The following GABRR1 variants were observed in gnomAD, a reference collection of about 807,000 sequenced individuals.
GABRR1 encodes gamma-aminobutyric acid receptor subunit rho-1.
A neutral mutation model predicts 55.5 loss-of-function variants in GABRR1; 59 were observed. The ratio of observed to expected loss-of-function variants is 1.06; its 90% CI spans 0.86 to 1.32. GABRR1 has a LOEUF of 1.32. GABRR1 is among the 40% of genes most tolerant of loss of function. GABRR1 has a pLI of 0.00. For synonymous variants in GABRR1, 213 were observed against 226.0 expected (o/e 0.94, Z 0.51); for missense variants, 602 against 619.1 (o/e 0.97, Z 0.29).
intron 6 of GABRR1, among the ~76,000 whole-genome samples, chr6:89,186,029 G>C (rs1283848454): frequency 6.6e-6 from 1 of 152,138 alleles, no homozygotes; most frequent in African/African-American, 2.4e-5. Context: ...CACCCTTTCT[G>C]GTGCTACCAT....
chr6:89,192,654 T>C (rs1264834018), intron 5 of GABRR1, among the ~76,000 whole-genome samples: 1 of 150,040 alleles, frequency 6.7e-6, no homozygotes, highest in African/African-American at 2.4e-5. Flanking sequence ...TCCACCTCCC[T>C]GGTTCAAACG....
chr6:89,189,103 C>G (rs1002108690), intron 6 of GABRR1, among the ~76,000 whole-genome samples: 1 of 152,018 alleles, frequency 6.6e-6, no homozygotes, highest in Non-Finnish European at 1.5e-5. Flanking sequence ...GACCCACATT[C>G]GCTTAGCCCT....
intron 8 of GABRR1, 129 bp from the exon 9 acceptor site, chr6:89,180,617 C>T: frequency 9.4e-7 from 1 of 1,065,402 alleles, no homozygotes; most frequent in African/African-American, 1.6e-5. Flanking sequence ...CTCCACTGCC[C>T]AGCAAACACC....
intron 5 of GABRR1, among the ~76,000 whole-genome samples, chr6:89,196,841 A>AAGAAAGAAAGAG (rs1358165811): frequency 9.3e-6 from 1 of 107,394 alleles, no homozygotes; most frequent in East Asian, 2.2e-4. Flanking sequence ...GAAAGAAAGA[A>AAGAAAGAAAGAG]AGAAAGAAAG....
At position 89,180,487 on chromosome 6, in the gene GABRR1, A is replaced by G. The variant is rs201172276; in HGVS notation, c.951T>C (p.Gly317=). ...RRAVPARVPL[G]ITTVLTMSTI... ...TGGACATGGTCAGCACCGTTGTGATACCTGCAAACACAAGAATGAGAAACA... is the reference window on the plus strand; with the variant it reads ...TGGACATGGTCAGCACCGTTGTGATGCCTGCAAACACAAGAATGAGAAACA... Residue 317 remains glycine (G), a splice_region_variant and synonymous_variant, in exon 9 of 10, where the codon GGT becomes GGC. Coordinates refer to ENST00000454853, the MANE Select transcript of GABRR1 (RefSeq NM_002042.5). 5.3e-5 allele frequency: 86 copies of G among 1,612,210 alleles called. No individual in the cohort carries two copies. The highest frequency in any genetic ancestry group is 1.7e-4 in the Middle Eastern group (1 of 6,050).
At chr6:89,179,595 C>A (rs753990448) in intron 9 of GABRR1, among the ~76,000 whole-genome samples, 2 of 152,176 alleles carry the variant, frequency 1.3e-5, no homozygotes, top group African/African-American at 2.4e-5. Context: ...CAAAGACCAA[C>A]AAGAATGCTC....
intron 5 of GABRR1, 87 bp downstream of exon 5, chr6:89,197,933 G>A (rs1474459751): frequency 3.5e-5 from 38 of 1,076,832 alleles, no homozygotes; most frequent in Admixed American, 2.6e-4. Flanking sequence ...AAGTTAGAAA[G>A]TAGACATTCA....
rs78618125 is a variant in GABRR1, at chr6:89,197,390, T to G, written c.572+630A>C. Among the ~76,000 whole-genome samples the G allele has an allele frequency of 3.9e-3, 587 of 152,334 alleles. 5 individuals carry two copies. In the East Asian group the frequency reaches 0.055, roughly 14 times the overall value. On this transcript the variant is annotated intron_variant, in intron 5 of 9. Transcript: ENST00000454853. ...TCATCTCCATGTGCCTTGAGTACCA[T>G]GAGTTTCTAAAGTTCCTGTGCAGCC...
intron 1 of GABRR1, among the ~76,000 whole-genome samples, chr6:89,214,534 G>C (rs993878871): frequency 6.6e-5 from 10 of 152,008 alleles, no homozygotes; most frequent in African/African-American, 2.4e-4. Flanking sequence ...AAATATATAA[G>C]GAACTCAAAC....
At position 89,212,657 on chromosome 6, in the gene GABRR1, GTTAT is replaced by G. The variant is rs6149685; in HGVS notation, c.122+4540_122+4543del. 1.9e-3 allele frequency among the ~76,000 whole-genome samples: 278 copies of G among 149,110 alleles called. 2 individuals carry two copies. In the East Asian group the frequency reaches 0.026, roughly 14 times the overall value. On this transcript the variant is annotated intron_variant, in intron 1 of 9. Coordinates refer to ENST00000454853, the MANE Select transcript of GABRR1 (RefSeq NM_002042.5). ...GGAGAGGACCGGCAGTAAGTTTTGG[GTTAT>G]TTATTTATTTATTTATTTATTTATT...
At chr6:89,186,577 T>G (rs959379247) in intron 6 of GABRR1, among the ~76,000 whole-genome samples, 8 of 152,244 alleles carry the variant, frequency 5.3e-5, no homozygotes, top group African/African-American at 1.9e-4. Context: ...CTACTGGTTC[T>G]GTTTATCTGG....
At chr6:89,211,486 C>A (rs1284036170) in intron 1 of GABRR1, among the ~76,000 whole-genome samples, 2 of 152,152 alleles carry the variant, frequency 1.3e-5, no homozygotes, top group African/African-American at 4.8e-5. Flanking sequence ...CCTCAACCCT[C>A]TGACATCTGT....
intron 1 of GABRR1, among the ~76,000 whole-genome samples, chr6:89,222,730 T>C (rs1361812658): frequency 1.3e-5 from 2 of 152,208 alleles, no homozygotes; most frequent in Non-Finnish European, 2.9e-5. Context: ...TTTACGATCA[T>C]GACAATAGGC....
upstream of GABRR1, among the ~76,000 whole-genome samples, chr6:89,218,818 T>G (rs1439339001): frequency 2.0e-5 from 3 of 152,236 alleles, no homozygotes; most frequent in Non-Finnish European, 4.4e-5. Flanking sequence ...GTGTCCAGTC[T>G]TACAGTTAGT....
rs758306693 is a variant in GABRR1, at chr6:89,198,231, T to C, written c.361A>G (p.Thr121Ala). 2.5e-6 allele frequency: 4 copies of C among 1,613,336 alleles called. No homozygotes were observed. The highest frequency in any genetic ancestry group is 1.3e-5 in the African/African-American group (1 of 74,742). ...ISEVDMDFTM[T>A]LYLRHYWKDE... ...TTCCAGTAGTGCCTCAGGTAGAGGG[T>C]CATCGTAAAGTCCTGGGAGCAGAAG... The change falls in exon 5 of 10, where the codon ACC becomes GCC. Residue 121 changes from threonine (T) to alanine (A), a missense_variant. This residue lies in a region of GABRR1 where 435 missense variants were observed against 424.2 expected (regional missense o/e 1.03). Transcript: ENST00000454853.
At chr6:89,191,216 T>C (rs1772074218) in intron 5 of GABRR1, among the ~76,000 whole-genome samples, 2 of 152,242 alleles carry the variant, frequency 1.3e-5, no homozygotes, top group African/African-American at 2.4e-5. Context: ...CTATGAGGCA[T>C]TTTTGATTGC....
chr6:89,188,087 G>A (rs940859152), intron 6 of GABRR1, among the ~76,000 whole-genome samples: 1 of 151,654 alleles, frequency 6.6e-6, no homozygotes, highest in Non-Finnish European at 1.5e-5. Flanking sequence ...TGCAATCATA[G>A]CTCACTGCAG....
intron 7 of GABRR1, 37 bp from the exon 8 acceptor site, chr6:89,182,094 G>C: frequency 6.2e-7 from 1 of 1,606,578 alleles, no homozygotes. Flanking sequence ...TACACATCAT[G>C]GCTCCTTCAT....
chr6:89,199,260 A>G, intron 4 of GABRR1, 102 bp downstream of exon 4: 1 of 1,021,364 alleles, frequency 9.8e-7, no homozygotes, highest in Non-Finnish European at 1.5e-6. Flanking sequence ...CCCACCGCCC[A>G]GGGCAGTTGT....
Sources: gnomAD v4.1 joint callset for allele counts (sites outside exome capture counted in the v4.1 genomes callset) on GRCh38, gnomAD v4.1.1 for gene constraint, gnomAD v4.1.1 regional missense constraint, MANE v1.5 for transcripts, NCBI Gene and HGNC (gene_info 2026-07-23, HGNC 2026-07-21) for gene names.